Variants in MAP3K9 observed in about 807,000 individuals in gnomAD.
The protein encoded by MAP3K9 is mixed lineage kinase 1 (tyr and ser/thr specificity).
In MAP3K9, 46 loss-of-function variants were observed where a neutral mutation model predicts 95.8. That is an observed-to-expected ratio of 0.48 (90% CI 0.38 to 0.61). The LOEUF is 0.61. Ranked by LOEUF, MAP3K9 falls within the 20% of genes least tolerant of loss-of-function variation. MAP3K9 has a pLI of 0.00. For synonymous variants in MAP3K9, 533 were observed against 593.8 expected, an observed-to-expected ratio of 0.90 and a Z score of 1.49; for missense variants, 1,296 against 1,474.3, an observed-to-expected ratio of 0.88 and a Z score of 1.98.
intron 2 of MAP3K9, among the ~76,000 whole-genome samples, chr14:70,793,779 C>T (rs1203746883): frequency 6.6e-6 from 1 of 152,110 alleles, no homozygotes; most frequent in Non-Finnish European, 1.5e-5. Context: ...AAGGGATGCT[C>T]CTGAAATCAT....
chr14:70,805,068 C>T (rs2054975602), intron 1 of MAP3K9, among the ~76,000 whole-genome samples: 1 of 152,166 alleles, frequency 6.6e-6, no homozygotes, highest in South Asian at 2.1e-4. Flanking sequence ...GGTCAAGCTG[C>T]ATTCAGCACA....
At position 70,732,861 on chromosome 14, in the gene MAP3K9, G is replaced by T. The variant is rs1434272160; in HGVS notation, c.2508C>A (p.Ser836=). 6.2e-7 allele frequency: 1 copy of T among 1,613,766 alleles called. No individual in the cohort carries two copies. Among genetic ancestry groups the T allele is most frequent in the Admixed American group, 1.7e-5 (1 of 59,952 alleles). The part of the protein sequence containing the change: ...GDPSASLTLL[S]LSSISECNST... ...AGTTGCACTCGGAGATGGAGGAGAG[G>T]GAGAGCAGCGTCAGGGAGGCAGAGG... Residue 836 remains serine, a synonymous_variant, in exon 11 of 12, where the codon TCC becomes TCA. Transcript: ENST00000554752.
chr14:70,740,475 T>C lies in MAP3K9; in HGVS notation c.1568-311A>G, dbSNP rs75095395. Among the ~76,000 whole-genome samples, 1,261 of 152,342 alleles carry C rather than the reference T, an allele frequency of 8.3e-3. 15 individuals carry two copies. The highest frequency in any genetic ancestry group is 0.028 in the African/African-American group (1,158 of 41,580). ...GAATAGCTGTTTAGCTCATGAGATGTTGTTGATTATTCTAGGAAATTTAAC... is the reference window on the plus strand; with the variant it reads ...GAATAGCTGTTTAGCTCATGAGATGCTGTTGATTATTCTAGGAAATTTAAC... On this transcript the variant is annotated intron_variant, in intron 6 of 11. Transcript: ENST00000554752.
At position 70,729,622 on chromosome 14, in the gene MAP3K9, G is replaced by C. The variant is rs1384893925; in HGVS notation, c.*758C>G. 1 of 152,220 alleles carries C rather than the reference G, an allele frequency of 6.6e-6. No homozygotes were observed. The allele number at this position is 152,220 out of a possible 1,614,324, so 9.4% of individuals were successfully genotyped here. On this transcript the variant is annotated 3_prime_UTR_variant, in exon 12 of 12. Coordinates refer to ENST00000554752, the MANE Select transcript of MAP3K9 (RefSeq NM_001284230.2). ...CTCAATACTTGCTGGTTTGCCCTTT[G>C]CCGAGAGTTTCCAAAAAGAACAAGG...
chr14:70,785,765 G>T (rs939787203), intron 2 of MAP3K9, among the ~76,000 whole-genome samples: 5 of 152,174 alleles, frequency 3.3e-5, no homozygotes, highest in Admixed American at 6.5e-5. Flanking sequence ...GTGTGGACAT[G>T]CTGGACAGGA....
At chr14:70,763,534 C>CT (rs10709958) in intron 2 of MAP3K9, among the ~76,000 whole-genome samples, 22 of 146,522 alleles carry the variant, frequency 1.5e-4, no homozygotes, top group South Asian at 2.2e-4. Flanking sequence ...TATGTATTTA[C>CT]TTTTTTTTTT....
chr14:70,792,091 T>C (rs2054813546), intron 2 of MAP3K9, among the ~76,000 whole-genome samples: 1 of 152,218 alleles, frequency 6.6e-6, no homozygotes, highest in Non-Finnish European at 1.5e-5. Context: ...CATTTCAGCT[T>C]TATTCACTTA....
rs1470276825 is a variant in MAP3K9 at position 70,748,810 on chromosome 14, T to G, written c.1326+19A>C. 1 of 1,558,224 alleles carries G rather than the reference T, an allele frequency of 6.4e-7. No homozygotes were observed. Among genetic ancestry groups the G allele is most frequent in the Non-Finnish European group, 8.7e-7 (1 of 1,154,596 alleles). ...TTTCTTTTCGTTCGTTTTTTTGTTG[T>G]TTTTTTTGTTTTGTTTACCTTTTCT... On this transcript the variant is annotated intron_variant, in intron 5 of 11. Transcript: ENST00000554752.
chr14:70,792,209 G>A (rs959515679), intron 2 of MAP3K9, among the ~76,000 whole-genome samples: 11 of 152,192 alleles, frequency 7.2e-5, no homozygotes, highest in African/African-American at 2.2e-4. Context: ...GCTAACCTCT[G>A]GCATAGCCTC....
At position 70,758,467 on chromosome 14, in the gene MAP3K9, T is replaced by C. The variant is rs189812052; in HGVS notation, c.1001+2535A>G. ...CTAACGGGAATATAATAAAATGGTATAGCTATGATGAAAAAGTTTGGTGGT... is the reference window on the plus strand; with the variant it reads ...CTAACGGGAATATAATAAAATGGTACAGCTATGATGAAAAAGTTTGGTGGT... On this transcript the variant is annotated intron_variant, in intron 3 of 11. Coordinates refer to ENST00000554752, the MANE Select transcript of MAP3K9 (RefSeq NM_001284230.2). 8.5e-4 allele frequency among the ~76,000 whole-genome samples: 129 copies of C among 152,332 alleles called. 1 individual carries two copies. Among genetic ancestry groups the C allele is most frequent in the Non-Finnish European group, 8.7e-4 (59 of 68,028 alleles).
At position 70,809,191 on chromosome 14, in the gene MAP3K9, G is replaced by A. The variant is rs2139878540; in HGVS notation, c.-20C>T. On this transcript the variant is annotated 5_prime_UTR_variant, in exon 1 of 12. Transcript: ENST00000554752. The stretch of plus-strand genomic sequence containing the variant: ...CTCCATGGAGCGGCCGATCCATAGG[G>A]TGCGGGGCCGCCGCCGCCCGCAGGA... The A allele has an allele frequency of 7.7e-7, 1 of 1,298,622 alleles. No individual in the cohort carries two copies. Among genetic ancestry groups the A allele is most frequent in the East Asian group, 3.1e-5 (1 of 31,850 alleles). 80.4% of individuals were successfully genotyped at this position (1,298,622 alleles called of 1,614,324 possible).
intron 2 of MAP3K9, among the ~76,000 whole-genome samples, chr14:70,774,494 C>G (rs1048798794): frequency 2.0e-5 from 3 of 151,004 alleles, no homozygotes; most frequent in African/African-American, 7.3e-5. Context: ...GAAACCCCAT[C>G]CCTACTAAAA....
chr14:70,742,569 T>G lies in MAP3K9; in HGVS notation c.1349A>C (p.Glu450Ala). 6.2e-7 allele frequency: 1 copy of G among 1,613,956 alleles called. No individual in the cohort carries two copies. Among genetic ancestry groups the G allele is most frequent in the Non-Finnish European group, 8.5e-7 (1 of 1,179,964 alleles). The change falls in exon 6 of 12, where the codon GAG (glutamate) becomes GCG (alanine). Residue 450 changes from glutamate (E) to alanine (A), a missense_variant. Glu to Ala is a moderately radical substitution (Grantham distance 107). Transcript: ENST00000554752. Reference protein sequence around the residue: ...KEKELRTWEEELTRAALQQKN... With the variant: ...KEKELRTWEEALTRAALQQKN... ...CTGCTGCAGTGCAGCCCGCGTCAGC[T>G]CCTCCTCCCAGGTGCGAAGTTCCTG...
intron 1 of MAP3K9, among the ~76,000 whole-genome samples, chr14:70,807,257 G>A (rs930805335): frequency 1.3e-5 from 2 of 152,212 alleles, no homozygotes; most frequent in African/African-American, 2.4e-5. Flanking sequence ...TTGGAAGGCC[G>A]AGGCGTGCGG....
chr14:70,742,492 C>G lies in MAP3K9; in HGVS notation c.1426G>C (p.Glu476Gln), dbSNP rs1351635124. 6.2e-7 allele frequency: 1 copy of G among 1,614,242 alleles called. No homozygotes were observed. Among genetic ancestry groups the G allele is most frequent in the South Asian group, 1.1e-5 (1 of 91,086 alleles). The part of the protein sequence containing the change: ...RRREQELAER[E>Q]IDILERELNI... ...AGCTCCCGTTCCAGGATGTCAATCT[C>G]CCGCTCGGCCAGCTCCTGCTCCCGA... is the stretch of plus-strand genomic sequence containing the variant. The change falls in exon 6 of 12, where the codon GAG becomes CAG. Residue 476 changes from glutamate to glutamine, a missense_variant. Physicochemically the swap from Glu to Gln is conservative, Grantham distance 29. Coordinates refer to ENST00000554752, the MANE Select transcript of MAP3K9 (RefSeq NM_001284230.2).
Position 70,749,002 on chromosome 14 carries a change from A to T in MAP3K9, c.1153T>A (p.Cys385Ser). 6.2e-7 allele frequency: 1 copy of T among 1,613,188 alleles called. No individual in the cohort carries two copies. The highest frequency in any genetic ancestry group is 8.5e-7 in the Non-Finnish European group (1 of 1,179,550). ...PEPFAKLMED[C>S]WNPDPHSRPS... ...CGTGAGTGGGGATCAGGATTCCAGC[A>T]GTCTGAATAGAACATGTGAATACTC... Residue 385 changes from cysteine to serine, a missense_variant and splice_region_variant, in exon 5 of 12, where the codon TGC (cysteine) becomes AGC (serine). Cys to Ser is a moderately radical substitution (Grantham distance 112). Coordinates refer to ENST00000554752, the MANE Select transcript of MAP3K9 (RefSeq NM_001284230.2).
chr14:70,760,059 T>C (rs2054350522), intron 3 of MAP3K9, among the ~76,000 whole-genome samples: 1 of 151,862 alleles, frequency 6.6e-6, no homozygotes. Context: ...TCCAGCCAAC[T>C]TATACATTCT....
At chr14:70,794,403 G>A (rs1287403647) in intron 2 of MAP3K9, among the ~76,000 whole-genome samples, 1 of 152,142 alleles carries the variant, frequency 6.6e-6, no homozygotes, top group Non-Finnish European at 1.5e-5. Context: ...TGAGCAGAAC[G>A]ACGTTATTCC....
chr14:70,733,912 C>T lies in MAP3K9; in HGVS notation c.2026+474G>A, dbSNP rs1343910867. 6 of 679,002 alleles carry T rather than the reference C, an allele frequency of 8.8e-6. No homozygotes were observed. The East Asian group carries it at 1.1e-4, about 12-fold the overall frequency. The allele number at this position is 679,002 out of a possible 1,614,324, so 42.1% of individuals were successfully genotyped here. A position where few individuals can be genotyped will look rare whatever the true frequency, so the allele number is the denominator to read the frequency against. ...TCCTCTTGCCCTTGGAAATCAGAGT[C>T]CAGGTTCTTCAGCCTTTGGACTCTC... On this transcript the variant is annotated intron_variant, in intron 10 of 11. Coordinates refer to ENST00000554752, the MANE Select transcript of MAP3K9 (RefSeq NM_001284230.2).
Sources: gnomAD v4.1 joint callset for allele counts (sites outside exome capture counted in the v4.1 genomes callset) on GRCh38, gnomAD v4.1.1 for gene constraint, MANE v1.5 for transcripts, NCBI Gene and HGNC (gene_info 2026-07-23, HGNC 2026-07-21) for gene names.